NELL1: variants seen among roughly 807,000 people sequenced by gnomAD.
NELL1 encodes protein kinase C-binding protein NELL1.
NELL1 carries 76 observed loss-of-function variants against 107.4 expected under a neutral mutation model. The observed-to-expected ratio is 0.71, with a 90% confidence interval of 0.59 to 0.86. The LOEUF is 0.86. Among genes scored for constraint, NELL1 ranks in the 40% least tolerant of loss-of-function variants. The pLI is 0.00. For synonymous variants in NELL1, 353 were observed against 341.2 expected, an observed-to-expected ratio of 1.03 and a Z score of -0.38; for missense variants, 1,024 against 1,005.5, an observed-to-expected ratio of 1.02 and a Z score of -0.25.
At chr11:21,294,037 G>T (rs1031467510) in intron 14 of NELL1, among the ~76,000 whole-genome samples, 1 of 151,922 alleles carries the variant, frequency 6.6e-6, no homozygotes, top group African/African-American at 2.4e-5. Context: ...GTAACAAACT[G>T]GTATGTTCTG....
rs375495606 is a variant in NELL1 at position 21,459,241 on chromosome 11, A to G, written c.1646-75133A>G. On this transcript the variant is annotated intron_variant, in intron 15 of 19. Transcript: ENST00000357134. ...ACTGAGGGTCTTATTAACATTACTT[A>G]CTTGTAGGTCCACCAGTTCACAAAA... Among the ~76,000 whole-genome samples, 22 of 151,500 alleles carry G rather than the reference A, an allele frequency of 1.5e-4. No individual in the cohort carries two copies. In the East Asian group the frequency reaches 3.3e-3, roughly 23 times the overall value.
At chr11:20,755,344 T>C (rs149342571) in intron 2 of NELL1, among the ~76,000 whole-genome samples, 3 of 152,170 alleles carry the variant, frequency 2.0e-5, no homozygotes, top group African/African-American at 7.2e-5. Context: ...CTGAGAGAAA[T>C]TGCTCCTTCA....
At chr11:21,340,620 TACACACACACACAC>T (rs71034506) in intron 14 of NELL1, among the ~76,000 whole-genome samples, 20 of 141,800 alleles carry the variant, frequency 1.4e-4, no homozygotes, top group South Asian at 7.1e-4. Context: ...TATGACGGGT[TACACACACACACAC>T]ACACACACAC....
chr11:21,380,533 A>G (rs776644569), intron 15 of NELL1, among the ~76,000 whole-genome samples: 67 of 151,994 alleles, frequency 4.4e-4, no homozygotes, highest in Non-Finnish European at 1.2e-4. Flanking sequence ...TCATCTCTTC[A>G]GTTCTACCCA....
rs558869025 is a variant in NELL1 at position 21,282,849 on chromosome 11, A to G, written c.1549+53395A>G. On this transcript the variant is annotated intron_variant, in intron 14 of 19. Coordinates refer to ENST00000357134, the MANE Select transcript of NELL1 (RefSeq NM_006157.5). ...ATGGAGTACTATTCAGCCATAAAAA[A>G]GAATGAGATCCTATCATTTGCAACA... 3.9e-5 allele frequency among the ~76,000 whole-genome samples: 6 copies of G among 152,368 alleles called. No homozygotes were observed. In the East Asian group the frequency reaches 1.2e-3, roughly 29 times the overall value.
At chr11:21,163,174 G>A (rs1301062023) in intron 13 of NELL1, among the ~76,000 whole-genome samples, 2 of 152,152 alleles carry the variant, frequency 1.3e-5, no homozygotes, top group Non-Finnish European at 2.9e-5. Flanking sequence ...GTAAATTGGT[G>A]TCAGAGGAGT....
chr11:21,330,557 C>T (rs1850250253), intron 14 of NELL1, among the ~76,000 whole-genome samples: 2 of 152,064 alleles, frequency 1.3e-5, no homozygotes, highest in Admixed American at 6.6e-5. Flanking sequence ...TCACTATATT[C>T]TGGCCTCCAC....
intron 12 of NELL1, among the ~76,000 whole-genome samples, chr11:21,015,255 A>G (rs184013576): frequency 1.7e-4 from 26 of 152,134 alleles, no homozygotes; most frequent in African/African-American, 5.3e-4. Flanking sequence ...AAGCCGCTAG[A>G]GAACCAAGTG....
At chr11:21,110,928 C>T (rs1855091926) in intron 12 of NELL1, among the ~76,000 whole-genome samples, 1 of 152,160 alleles carries the variant, frequency 6.6e-6, no homozygotes, top group Admixed American at 6.5e-5. Context: ...GAATCTAAAA[C>T]TGGTAATATT....
intron 16 of NELL1, among the ~76,000 whole-genome samples, chr11:21,535,064 A>G (rs747534540): frequency 2.6e-5 from 4 of 152,210 alleles, no homozygotes; most frequent in Non-Finnish European, 5.9e-5. Context: ...CATATATGAT[A>G]TAGTTGCATT....
intron 2 of NELL1, among the ~76,000 whole-genome samples, chr11:20,689,160 T>C (rs1042556462): frequency 6.6e-6 from 1 of 152,136 alleles, no homozygotes; most frequent in Non-Finnish European, 1.5e-5. Flanking sequence ...AAGTTCCTTA[T>C]AGATTCTGGT....
At chr11:21,177,384 A>T (rs1202440101) in intron 13 of NELL1, among the ~76,000 whole-genome samples, 1 of 151,708 alleles carries the variant, frequency 6.6e-6, no homozygotes, top group African/African-American at 2.4e-5. Flanking sequence ...TGCCTGGCTT[A>T]TTTCACTTAG....
intron 15 of NELL1, among the ~76,000 whole-genome samples, chr11:21,452,183 T>TA (rs1411425061): frequency 3.2e-5 from 1 of 31,682 alleles, no homozygotes; most frequent in Non-Finnish European, 5.8e-5. Flanking sequence ...TTTTCACATA[T>TA]AAAATCTCAC....
intron 14 of NELL1, among the ~76,000 whole-genome samples, chr11:21,370,539 A>T (rs1250406411): frequency 9.9e-5 from 15 of 152,198 alleles, no homozygotes; most frequent in African/African-American, 3.4e-4. Flanking sequence ...CTTCCTAGTT[A>T]CTCAATTTAT....
intron 16 of NELL1, among the ~76,000 whole-genome samples, chr11:21,540,545 C>T (rs1345137703): frequency 1.3e-5 from 2 of 152,044 alleles, no homozygotes; most frequent in African/African-American, 4.8e-5. Flanking sequence ...GTTCATGGTT[C>T]TACAGGCTGT....
At chr11:20,702,107 G>A (rs1156953880) in intron 2 of NELL1, among the ~76,000 whole-genome samples, 1 of 152,076 alleles carries the variant, frequency 6.6e-6, no homozygotes, top group Non-Finnish European at 1.5e-5. Context: ...GGGCAGTATG[G>A]CCATTTTCAT....
chr11:21,547,455 G>A (rs1856470715), intron 16 of NELL1, among the ~76,000 whole-genome samples: 1 of 151,894 alleles, frequency 6.6e-6, no homozygotes, highest in African/African-American at 2.4e-5. Context: ...GATTGTGAAG[G>A]GTAGTGTGTT....
chr11:20,953,988 T>C (rs2134206270), intron 11 of NELL1, among the ~76,000 whole-genome samples: 2 of 152,308 alleles, frequency 1.3e-5, no homozygotes, highest in East Asian at 3.9e-4. Context: ...GCTTAAAATT[T>C]GCTGTTCTTA....
chr11:20,877,691 G>A (rs1015413926), intron 4 of NELL1, among the ~76,000 whole-genome samples: 1 of 152,178 alleles, frequency 6.6e-6, no homozygotes, highest in Non-Finnish European at 1.5e-5. Flanking sequence ...CTTTGACAAG[G>A]AGTGTGGCAG....
Sources: gnomAD v4.1 joint callset for allele counts (sites outside exome capture counted in the v4.1 genomes callset) on GRCh38, gnomAD v4.1.1 for gene constraint, MANE v1.5 for transcripts, NCBI Gene and HGNC (gene_info 2026-07-23, HGNC 2026-07-21) for gene names.